KCNH5: variants seen among roughly 807,000 people sequenced by gnomAD.
KCNH5 encodes the protein potassium voltage-gated channel subfamily H member 5.
Under a neutral mutation model 96.1 loss-of-function variants are expected in KCNH5, and 46 were observed. The ratio of observed to expected loss-of-function variants is 0.48; its 90% CI spans 0.38 to 0.61. The LOEUF is 0.61. Ranked by LOEUF, KCNH5 falls within the 20% of genes least tolerant of loss-of-function variation. The pLI is 0.00. For synonymous variants in KCNH5, 439 were observed against 449.8 expected, an observed-to-expected ratio of 0.98 and a Z score of 0.30; for missense variants, 907 against 1,225.8, an observed-to-expected ratio of 0.74 and a Z score of 3.88.
intron 10 of KCNH5, among the ~76,000 whole-genome samples, chr14:62,729,134 G>C (rs1407340417): frequency 6.6e-6 from 1 of 152,094 alleles, no homozygotes; most frequent in Non-Finnish European, 1.5e-5. Flanking sequence ...GCTAGTCCTT[G>C]GTCAGTGACC....
intron 6 of KCNH5, among the ~76,000 whole-genome samples, chr14:62,955,248 T>C (rs993990747): frequency 2.0e-5 from 3 of 152,110 alleles, no homozygotes; most frequent in Non-Finnish European, 2.9e-5. Flanking sequence ...GGAAAAAGGC[T>C]GGAGCTACAG....
intron 10 of KCNH5, among the ~76,000 whole-genome samples, chr14:62,736,608 A>G (rs118188033): frequency 0.032 from 4,881 of 152,182 alleles, 139 homozygotes; most frequent in South Asian, 0.081. Context: ...CTGCCCAAAG[A>G]TAAACTTGCC....
At chr14:63,038,485 A>G (rs907657210) in intron 1 of KCNH5, among the ~76,000 whole-genome samples, 1 of 152,152 alleles carries the variant, frequency 6.6e-6, no homozygotes, top group African/African-American at 2.4e-5. Flanking sequence ...TATTTCTGTA[A>G]TGGGACCAGA....
intron 7 of KCNH5, among the ~76,000 whole-genome samples, chr14:62,932,473 A>AT (rs1233363846): frequency 6.7e-6 from 1 of 148,972 alleles, no homozygotes. Context: ...TAGAAATGAG[A>AT]TTAAAAAAAA....
intron 7 of KCNH5, among the ~76,000 whole-genome samples, chr14:62,891,289 G>A (rs1434820548): frequency 6.6e-6 from 1 of 152,174 alleles, no homozygotes; most frequent in East Asian, 1.9e-4. Context: ...ATTATCCTCA[G>A]CAAACTAACA....
At chr14:63,017,716 T>C (rs916041267) in intron 1 of KCNH5, among the ~76,000 whole-genome samples, 2 of 151,114 alleles carry the variant, frequency 1.3e-5, no homozygotes, top group African/African-American at 2.4e-5. Flanking sequence ...TAAAATAATA[T>C]TAAAATATAT....
chr14:62,738,561 C>G (rs921129910), intron 10 of KCNH5, among the ~76,000 whole-genome samples: 1 of 152,034 alleles, frequency 6.6e-6, no homozygotes, highest in Non-Finnish European at 1.5e-5. Flanking sequence ...TTACCTTGAC[C>G]ATTATGATTT....
At chr14:62,852,944 T>C (rs1887837061) in intron 7 of KCNH5, among the ~76,000 whole-genome samples, 1 of 152,126 alleles carries the variant, frequency 6.6e-6, no homozygotes, top group African/African-American at 2.4e-5. Flanking sequence ...CTCCCTCCCA[T>C]ATTACAGACA....
intron 10 of KCNH5, among the ~76,000 whole-genome samples, chr14:62,748,977 G>A (rs1002096349): frequency 2.6e-4 from 40 of 152,154 alleles, no homozygotes; most frequent in South Asian, 8.3e-4. Flanking sequence ...AGCCGATAGC[G>A]TATCAATGGC....
At chr14:62,765,733 A>C (rs75077359) in intron 10 of KCNH5, among the ~76,000 whole-genome samples, 1,762 of 152,318 alleles carry the variant, frequency 0.012, 31 homozygotes, top group African/African-American at 0.04. Flanking sequence ...TCAAACTATG[A>C]AAATACTACA....
At chr14:62,897,094 A>G (rs573609915) in intron 7 of KCNH5, among the ~76,000 whole-genome samples, 1 of 152,310 alleles carries the variant, frequency 6.6e-6, no homozygotes, top group South Asian at 2.1e-4. Context: ...ACACATTTTG[A>G]TCACTAAATT....
At chr14:62,916,647 C>T (rs866132804) in intron 7 of KCNH5, among the ~76,000 whole-genome samples, 2 of 152,140 alleles carry the variant, frequency 1.3e-5, no homozygotes, top group Non-Finnish European at 2.9e-5. Context: ...TGAAAACCTC[C>T]AAGCCAGAAA....
chr14:63,036,340 T>C (rs1259699936), intron 1 of KCNH5, among the ~76,000 whole-genome samples: 2 of 152,202 alleles, frequency 1.3e-5, no homozygotes, highest in East Asian at 1.9e-4. Context: ...TAACTTACTC[T>C]GCACACAGCA....
At chr14:62,974,879 T>C (rs1890472199) in intron 6 of KCNH5, among the ~76,000 whole-genome samples, 1 of 152,188 alleles carries the variant, frequency 6.6e-6, no homozygotes, top group Non-Finnish European at 1.5e-5. Flanking sequence ...ACCAAGGAGA[T>C]GGAAGACACA....
chr14:62,903,720 C>A (rs1888973743), intron 7 of KCNH5, among the ~76,000 whole-genome samples: 1 of 152,084 alleles, frequency 6.6e-6, no homozygotes. Context: ...TGAAGCTAGA[C>A]TGCATCATTC....
chr14:62,850,893 G>A (rs1179122567), intron 7 of KCNH5, among the ~76,000 whole-genome samples: 5 of 152,110 alleles, frequency 3.3e-5, no homozygotes, highest in Non-Finnish European at 5.9e-5. Flanking sequence ...CACAGGCAAC[G>A]ATAATTTCCA....
At chr14:62,903,975 ATT>A (rs1888979739) in intron 7 of KCNH5, among the ~76,000 whole-genome samples, 1 of 152,056 alleles carries the variant, frequency 6.6e-6, no homozygotes, top group African/African-American at 2.4e-5. Context: ...GAAAAATATC[ATT>A]TTTACATATT....
intron 10 of KCNH5, among the ~76,000 whole-genome samples, chr14:62,752,911 C>A (rs182757300): frequency 1.3e-5 from 2 of 152,272 alleles, no homozygotes; most frequent in East Asian, 1.9e-4. Flanking sequence ...GTCAAATAAA[C>A]CTCTTTTGTT....
intron 10 of KCNH5, among the ~76,000 whole-genome samples, chr14:62,733,252 A>G (rs753943867): frequency 9.9e-5 from 15 of 152,046 alleles, no homozygotes; most frequent in Non-Finnish European, 2.2e-4. Flanking sequence ...TGAAACCCTA[A>G]TCCTCACTGT....
Sources: allele counts gnomAD v4.1 joint callset (sites outside exome capture counted in the v4.1 genomes callset), GRCh38; gene constraint gnomAD v4.1.1; transcripts MANE v1.5; gene names NCBI Gene and HGNC (gene_info 2026-07-23, HGNC 2026-07-21).